The following DGKI variants were observed in gnomAD, a reference collection of about 807,000 sequenced individuals.
The protein encoded by DGKI is diacylglycerol kinase iota.
A neutral mutation model predicts 147.5 loss-of-function variants in DGKI; 55 were observed. The ratio of observed to expected loss-of-function variants is 0.37; its 90% confidence interval spans 0.30 to 0.47. The LOEUF is 0.47. Among genes scored for constraint, DGKI ranks in the 20% least tolerant of loss-of-function variants. The probability of loss-of-function intolerance (pLI) is 1.00; values close to 1 mark genes in which losing one functional copy is unlikely to be tolerated. For missense variants in DGKI, 1,007 were observed against 1,323.8 expected (o/e 0.76, Z 3.71); for synonymous variants, 469 against 477.1 (o/e 0.98, Z 0.22).
At chr7:137,431,931 T>C (rs1051630713) in intron 28 of DGKI, among the ~76,000 whole-genome samples, 4 of 152,242 alleles carry the variant, frequency 2.6e-5, no homozygotes, top group African/African-American at 9.6e-5. Context: ...TGTTGAATTG[T>C]AATCCCCAGT....
intron 1 of DGKI, among the ~76,000 whole-genome samples, chr7:137,769,561 T>G (rs1796121690): frequency 6.6e-6 from 1 of 151,982 alleles, no homozygotes; most frequent in African/African-American, 2.4e-5. Flanking sequence ...GGGAGAAAAT[T>G]TTTGCAATCT....
intron 23 of DGKI, among the ~76,000 whole-genome samples, chr7:137,472,608 G>A (rs1191562906): frequency 6.6e-6 from 1 of 150,766 alleles, no homozygotes; most frequent in Non-Finnish European, 1.5e-5. Context: ...AACATTTTGA[G>A]AATTATATTT....
intron 1 of DGKI, among the ~76,000 whole-genome samples, chr7:137,818,177 G>A (rs1028708000): frequency 2.0e-5 from 3 of 152,152 alleles, no homozygotes; most frequent in African/African-American, 7.2e-5. Flanking sequence ...AAGCAAACAA[G>A]CAACTCAGAG....
chr7:137,384,333 T>C lies in DGKI; in HGVS notation c.*6887A>G, dbSNP rs1035837270. 6.6e-6 allele frequency: 1 copy of C among 152,002 alleles called. No individual in the cohort carries two copies. 9.4% of individuals were successfully genotyped at this position (152,002 alleles called of 1,614,324 possible). A position where few individuals can be genotyped will look rare whatever the true frequency, so the allele number is the denominator to read the frequency against. ...CAAGCCTCTCTCCGACAGCAAAAACTCTGACTTTTTGATTTCACATTCTCC... is the reference window on the plus strand; with the variant it reads ...CAAGCCTCTCTCCGACAGCAAAAACCCTGACTTTTTGATTTCACATTCTCC... On this transcript the variant is annotated 3_prime_UTR_variant, in exon 33 of 33. Coordinates refer to ENST00000614521, the MANE Select transcript of DGKI (RefSeq NM_001321708.2).
Position 137,432,569 on chromosome 7 carries a change from A to G in DGKI, c.2761+11508T>C, listed in dbSNP as rs183509672. ...ATTTAATCCTCACAATAAGCCTATT[A>G]GATATATACTCTTATTATTATCATC... On this transcript the variant is annotated intron_variant, in intron 28 of 32. Coordinates refer to ENST00000614521, the MANE Select transcript of DGKI (RefSeq NM_001321708.2). Among the ~76,000 whole-genome samples the G allele has an allele frequency of 9.7e-4, 147 of 152,306 alleles. 2 individuals are homozygous for G. The highest frequency in any genetic ancestry group is 3.4e-3 in the Middle Eastern group (1 of 294).
intron 1 of DGKI, among the ~76,000 whole-genome samples, chr7:137,801,663 T>C (rs1220354686): frequency 6.6e-6 from 1 of 152,216 alleles, no homozygotes; most frequent in Non-Finnish European, 1.5e-5. Flanking sequence ...GTCTCTTTTA[T>C]GATGTATAAG....
At chr7:137,746,433 T>C (rs1034540473) in intron 1 of DGKI, among the ~76,000 whole-genome samples, 3 of 152,174 alleles carry the variant, frequency 2.0e-5, no homozygotes, top group African/African-American at 7.2e-5. Flanking sequence ...TAGAGTAAAG[T>C]GCTGTCAAGC....
chr7:137,552,517 C>A lies in DGKI; in HGVS notation c.1999G>T (p.Val667Phe), dbSNP rs151037933. Residue 667 changes from valine to phenylalanine, a missense_variant, in exon 20 of 33, where the codon GTC (valine) becomes TTC (phenylalanine). Around this residue, in one of 5 missense-constraint regions of DGKI, gnomAD observed 224 missense variants for 382.7 expected, o/e 0.59. Transcript: ENST00000614521. ...HGERLHQCRE[V>F]MLLTYKSIPM... ...ATGGATTTGTAAGTTAGAAGCATGA[C>A]TTCTCGACACTGGTGTAGCCTCTCT... The A allele has an allele frequency of 6.2e-7, 1 of 1,614,216 alleles. No homozygotes were observed. The highest frequency in any genetic ancestry group is 1.3e-5 in the African/African-American group (1 of 75,052).
rs1476721989 is a variant in DGKI, at chr7:137,785,926, T to C, written c.401+60536A>G. On this transcript the variant is annotated intron_variant, in intron 1 of 32. Coordinates refer to ENST00000614521, the MANE Select transcript of DGKI (RefSeq NM_001321708.2). ...GCATTTGACAAAATCCAGCATCACT[T>C]TATGATTAAAACCCTCAGCAAAATC... Among the ~76,000 whole-genome samples the C allele has an allele frequency of 2.0e-5, 3 of 152,250 alleles. No individual in the cohort carries two copies. In the South Asian group the frequency reaches 6.2e-4, roughly 32 times the overall value.
At chr7:137,594,178 C>A (rs10081292) in intron 12 of DGKI, among the ~76,000 whole-genome samples, 13,502 of 152,188 alleles carry the variant, frequency 0.089, 695 homozygotes, top group South Asian at 0.15. Context: ...TCCCAAGTAG[C>A]TGGGATTACA....
At chr7:137,663,143 A>G (rs996907734) in intron 3 of DGKI, among the ~76,000 whole-genome samples, 2 of 152,250 alleles carry the variant, frequency 1.3e-5, no homozygotes, top group Non-Finnish European at 2.9e-5. Flanking sequence ...CAGTCCACCA[A>G]TTATTTTAAC....
At chr7:137,499,394 A>T (rs1337949056) in intron 21 of DGKI, among the ~76,000 whole-genome samples, 3 of 152,102 alleles carry the variant, frequency 2.0e-5, no homozygotes, top group African/African-American at 7.2e-5. Context: ...AGCTGGTAAA[A>T]CACAATTTCT....
chr7:137,592,183 G>A (rs1395918057), intron 12 of DGKI, among the ~76,000 whole-genome samples: 2 of 152,138 alleles, frequency 1.3e-5, no homozygotes, highest in African/African-American at 4.8e-5. Flanking sequence ...GGTTCTATGG[G>A]CAGGAACTCT....
chr7:137,787,420 G>A lies in DGKI; in HGVS notation c.401+59042C>T, dbSNP rs557552790. On this transcript the variant is annotated intron_variant, in intron 1 of 32. Coordinates refer to ENST00000614521, the MANE Select transcript of DGKI (RefSeq NM_001321708.2). ...GCAAATCAAAATTGCATTTTGATAC[G>A]ACCTTACTCCTGCAAGAATGCCCAT... Among the ~76,000 whole-genome samples the A allele has an allele frequency of 3.6e-4, 55 of 152,108 alleles. 1 individual carries two copies. Among genetic ancestry groups the A allele is most frequent in the Non-Finnish European group, 5.4e-4 (37 of 67,934 alleles).
chr7:137,532,758 C>T (rs957938058), intron 20 of DGKI, among the ~76,000 whole-genome samples: 9 of 152,106 alleles, frequency 5.9e-5, no homozygotes, highest in African/African-American at 2.2e-4. Context: ...TGGGAGGAAA[C>T]CTTTCATTTC....
In DGKI at chr7:137,796,845, CAAGGAG is replaced by C. The variant is rs543827953; in HGVS notation, c.401+49611_401+49616del. Reference sequence around the variant, plus strand: ...ATGAGCCAGCATACCAACATACATGCAAGGAGAGTTCCAGAAGGAGAGAAAAGAAAG... The same window carrying C: ...ATGAGCCAGCATACCAACATACATGCAGTTCCAGAAGGAGAGAAAAGAAAG... On this transcript the variant is annotated intron_variant, in intron 1 of 32. Transcript: ENST00000614521. Among the ~76,000 whole-genome samples, 475 of 152,062 alleles carry C rather than the reference CAAGGAG, an allele frequency of 3.1e-3. 1 individual carries two copies. The highest frequency in any genetic ancestry group is 4.9e-3 in the Non-Finnish European group (335 of 67,996).
chr7:137,692,530 C>T (rs1161488735), intron 1 of DGKI, among the ~76,000 whole-genome samples: 1 of 152,180 alleles, frequency 6.6e-6, no homozygotes, highest in African/African-American at 2.4e-5. Context: ...GTAGAAACCA[C>T]AGGGCAAATG....
chr7:137,837,696 C>T (rs1012891890), intron 1 of DGKI, among the ~76,000 whole-genome samples: 1 of 152,170 alleles, frequency 6.6e-6, no homozygotes, highest in Non-Finnish European at 1.5e-5. Flanking sequence ...AGAGGGTCCT[C>T]CCCAGAACCT....
chr7:137,457,559 C>A (rs976878306), intron 27 of DGKI, among the ~76,000 whole-genome samples: 3 of 152,122 alleles, frequency 2.0e-5, no homozygotes, highest in African/African-American at 7.2e-5. Context: ...CACAGGAGGT[C>A]TCCGGGCTTT....
Sources: allele counts gnomAD v4.1 joint callset (sites outside exome capture counted in the v4.1 genomes callset), GRCh38; gene constraint gnomAD v4.1.1; regional missense constraint gnomAD v4.1.1; transcripts MANE v1.5; gene names NCBI Gene and HGNC (gene_info 2026-07-23, HGNC 2026-07-21).